The following RPS3 variants were observed in gnomAD, a reference collection of about 807,000 sequenced individuals.
RPS3 encodes the protein ribosomal protein S3.
A neutral mutation model predicts 25.8 loss-of-function variants in RPS3; 2 were observed. That is an observed-to-expected ratio of 0.08 (90% CI 0.03 to 0.24). The LOEUF (loss-of-function observed/expected upper bound fraction) is 0.24. RPS3 is among the 10% of genes least tolerant of loss of function. The pLI, the probability that RPS3 is intolerant of heterozygous loss-of-function variation, is 1.00. For synonymous variants in RPS3, 114 were observed against 114.2 expected (o/e 1.00, Z 0.01); for missense variants, 107 against 307.1 (o/e 0.35, Z 4.87).
In RPS3 at chr11:75,400,697, G is replaced by A; in HGVS notation, c.34G>A (p.Val12Ile). 6.2e-7 allele frequency: 1 copy of A among 1,612,196 alleles called. No individual in the cohort carries two copies. The highest frequency in any genetic ancestry group is 8.5e-7 in the Non-Finnish European group (1 of 1,178,712). Residue 12 changes from valine to isoleucine, a missense_variant, in exon 2 of 7, where the codon GTC (valine) becomes ATC (isoleucine). Physicochemically the swap from Val to Ile is conservative, Grantham distance 29 (BLOSUM62 3). Around this residue, in one of 2 missense-constraint regions of RPS3, gnomAD observed 26 missense variants for 20.4 expected, o/e 1.28. Coordinates refer to ENST00000531188, the MANE Select transcript of RPS3 (RefSeq NM_001005.5). ...AVQISKKRKFVADGIFKAELN... is the reference protein window; with the variant it reads ...AVQISKKRKFIADGIFKAELN... ...AACTTTGCTTTGTTTGGATTAGTTT[G>A]TCGCTGATGGCATCTTCAAAGCTGA...
At chr11:75,412,315 G>A (rs1441787302) in intron 6 of RPS3, among the ~76,000 whole-genome samples, 2 of 152,170 alleles carry the variant, frequency 1.3e-5, no homozygotes, top group Non-Finnish European at 2.9e-5. Context: ...AGGAGGTATT[G>A]TGGCACTGGC....
At chr11:75,407,594 G>GAGT, downstream of RPS3, among the ~76,000 whole-genome samples, 1 of 151,982 alleles carries the variant, frequency 6.6e-6, no homozygotes, top group African/African-American at 2.4e-5. Flanking sequence ...TCAGCCTCCC[G>GAGT]AGTAGCTGGG....
downstream of RPS3, among the ~76,000 whole-genome samples, chr11:75,410,143 G>T (rs373711199): frequency 0.051 from 7,358 of 145,460 alleles, 200 homozygotes; most frequent in East Asian, 0.11. Context: ...CCTCCCGGAC[G>T]GGGCGGCTGG....
At chr11:75,401,080 C>T (rs1312837352) in intron 2 of RPS3, among the ~76,000 whole-genome samples, 1 of 152,124 alleles carries the variant, frequency 6.6e-6, no homozygotes, top group African/African-American at 2.4e-5. Context: ...GTTGGGGTTT[C>T]ACCGTGTTAG....
Position 75,406,717 on chromosome 11 carries a change from CTG to C in RPS3, c.*1110_*1111del, listed in dbSNP as rs796373676. ...AGCCCTCTGTCCAAGGGATTTGCAT[CTG>C]TGGATTCAACCAACTTTGGGTCAAA... is the stretch of plus-strand genomic sequence containing the variant. On this transcript the variant is annotated 3_prime_UTR_variant, in exon 7 of 7. Coordinates refer to ENST00000531188, the MANE Select transcript of RPS3 (RefSeq NM_001005.5). The C allele has an allele frequency of 1.1e-4, 16 of 152,272 alleles. No individual in the cohort carries two copies. Among genetic ancestry groups the C allele is most frequent in the African/African-American group, 3.6e-4 (15 of 41,556 alleles). 9.4% of individuals were successfully genotyped at this position (152,272 alleles called of 1,614,324 possible). A position where few individuals can be genotyped will look rare whatever the true frequency, so the allele number is the denominator to read the frequency against.
At chr11:75,421,622 T>G (rs1948446807) in intron 6 of RPS3, 1 of 152,258 alleles carries the variant, frequency 6.6e-6, no homozygotes, top group South Asian at 2.1e-4. Flanking sequence ...GACTGGCTTC[T>G]CAGAGGCCCA....
chr11:75,409,548 A>G (rs1948322447), downstream of RPS3, among the ~76,000 whole-genome samples: 1 of 133,846 alleles, frequency 7.5e-6, no homozygotes, highest in Non-Finnish European at 1.6e-5. Flanking sequence ...AATTTTTCTT[A>G]GTACAGAACA....
At chr11:75,403,870 G>A (rs185994693) in intron 4 of RPS3, 150 bp from the exon 5 acceptor site, 2 of 666,236 alleles carry the variant, frequency 3.0e-6, no homozygotes, top group African/African-American at 3.6e-5. Flanking sequence ...GGAATGATAG[G>A]TGTGGAAGAG....
At chr11:75,403,968 TTGG>T in intron 4 of RPS3, 49 bp from the exon 5 acceptor site, 1 of 1,534,988 alleles carries the variant, frequency 6.5e-7, no homozygotes, top group Non-Finnish European at 8.8e-7. Flanking sequence ...TTTTTTAAAC[TTGG>T]TGGAGGTCCT....
At chr11:75,418,898 C>T (rs1271489703) in intron 6 of RPS3, among the ~76,000 whole-genome samples, 1 of 152,204 alleles carries the variant, frequency 6.6e-6, no homozygotes. Context: ...CCATTGACTA[C>T]ACCTGCAACC....
At chr11:75,416,458 CTATTTTTTT>C (rs1948399904) in intron 6 of RPS3, among the ~76,000 whole-genome samples, 1 of 125,976 alleles carries the variant, frequency 7.9e-6, no homozygotes, top group South Asian at 2.4e-4. Flanking sequence ...TTGATTATTT[CTATTTTTTT>C]TTTTTTTTTT....
In RPS3 at chr11:75,404,878, C is replaced by G. The variant is rs1212360333; in HGVS notation, c.*3+10C>G. On this transcript the variant is annotated intron_variant, in intron 6 of 6. Coordinates refer to ENST00000531188, the MANE Select transcript of RPS3 (RefSeq NM_001005.5). This position sits in a 1 kb window ranked among gnomAD's most constrained non-coding sequence, Gnocchi z 4.6. ...CCCCACAGCATAACAGGTATGTCTG[C>G]AAGGGCAGGGGCCTCTTGGGGCATA... 1 of 1,573,350 alleles carries G rather than the reference C, an allele frequency of 6.4e-7. No individual in the cohort carries two copies. Among genetic ancestry groups the G allele is most frequent in the Admixed American group, 1.8e-5 (1 of 55,014 alleles).
chr11:75,401,844 C>G (rs1189828162), intron 3 of RPS3, 111 bp downstream of exon 3: 1 of 691,846 alleles, frequency 1.4e-6, no homozygotes, highest in African/African-American at 1.8e-5. Context: ...ACTGGTATAA[C>G]TGTTGAAATT....
At chr11:75,411,263 C>T (rs930026816), downstream of RPS3, among the ~76,000 whole-genome samples, 8 of 152,200 alleles carry the variant, frequency 5.3e-5, no homozygotes, top group African/African-American at 9.6e-5. Flanking sequence ...CCTCCTTCCT[C>T]GGCCTCCCAA....
chr11:75,400,261 G>T (rs1948187183), intron 1 of RPS3: 1 of 428,136 alleles, frequency 2.3e-6, no homozygotes, highest in Non-Finnish European at 4.6e-6. Flanking sequence ...CTACAAGTGA[G>T]AGAGCTTATA....
downstream of RPS3, among the ~76,000 whole-genome samples, chr11:75,407,738 A>T (rs1168053172): frequency 6.6e-6 from 1 of 152,182 alleles, no homozygotes; most frequent in African/African-American, 2.4e-5. Flanking sequence ...AAGTGCTGGG[A>T]TTACAGGCGT....
chr11:75,416,114 C>T (rs1948395710), intron 6 of RPS3, among the ~76,000 whole-genome samples: 1 of 152,128 alleles, frequency 6.6e-6, no homozygotes, highest in South Asian at 2.1e-4. Flanking sequence ...AGGTATACAA[C>T]TTAGCAGTAT....
chr11:75,421,516 G>A (rs1000462896), intron 6 of RPS3, among the ~76,000 whole-genome samples: 102 of 152,252 alleles, frequency 6.7e-4, no homozygotes, highest in African/African-American at 2.4e-3. Context: ...CCAGCAGTTT[G>A]TTGCTGCCCC....
At chr11:75,410,030 C>A (rs1948331727), downstream of RPS3, among the ~76,000 whole-genome samples, 2 of 135,498 alleles carry the variant, frequency 1.5e-5, no homozygotes, top group Non-Finnish European at 3.3e-5. Context: ...CAGAGGCGCC[C>A]CTCACCTCCC....
Sources: gnomAD v4.1 joint callset for allele counts (sites outside exome capture counted in the v4.1 genomes callset) on GRCh38, gnomAD v4.1.1 for gene constraint, gnomAD v4.1.1 regional missense constraint, Gnocchi (gnomAD v3.1) non-coding constraint, MANE v1.5 for transcripts, NCBI Gene and HGNC (gene_info 2026-07-23, HGNC 2026-07-21) for gene names.